The following CDH22 variants were observed in gnomAD, a reference collection of about 807,000 sequenced individuals.
The protein encoded by CDH22 is cadherin 22.
CDH22 carries 30 observed loss-of-function variants against 58.4 expected under a neutral mutation model. The ratio of observed to expected loss-of-function variants is 0.51; its 90% CI spans 0.38 to 0.70. The LOEUF (loss-of-function observed/expected upper bound fraction) is 0.70, where lower values mean the gene tolerates loss of function less well. CDH22 is among the 30% of genes least tolerant of loss of function. The pLI is 0.00. For missense variants in CDH22, 1,014 were observed against 1,233.9 expected (o/e 0.82, Z 2.67); for synonymous variants, 513 against 558.2 (o/e 0.92, Z 1.14).
intron 1 of CDH22, among the ~76,000 whole-genome samples, chr20:46,296,418 T>G (rs948935652): frequency 6.6e-6 from 1 of 152,222 alleles, no homozygotes; most frequent in Admixed American, 6.5e-5. Flanking sequence ...CCAGCTAAAA[T>G]GTATCCAACA....
intron 1 of CDH22, among the ~76,000 whole-genome samples, chr20:46,283,434 A>G (rs2086559982): frequency 6.6e-6 from 1 of 152,118 alleles, no homozygotes; most frequent in South Asian, 2.1e-4. Context: ...CCCCGGGGCT[A>G]TGGTGAGGAT....
chr20:46,200,184 C>T (rs955062415), intron 7 of CDH22, among the ~76,000 whole-genome samples: 2 of 151,574 alleles, frequency 1.3e-5, no homozygotes, highest in Admixed American at 6.6e-5. Flanking sequence ...CCGTGTTAGC[C>T]AGGATGGTCT....
intron 3 of CDH22, among the ~76,000 whole-genome samples, chr20:46,233,936 G>T (rs1302012012): frequency 6.6e-6 from 1 of 152,194 alleles, no homozygotes; most frequent in Non-Finnish European, 1.5e-5. Context: ...TTGATTCCTG[G>T]CTTGGGCCTG....
intron 10 of CDH22, among the ~76,000 whole-genome samples, chr20:46,179,575 G>A (rs1339351578): frequency 6.6e-6 from 1 of 152,208 alleles, no homozygotes; most frequent in Non-Finnish European, 1.5e-5. Flanking sequence ...GGGAACATGA[G>A]GGTTCATTCC....
chr20:46,191,579 G>A (rs1363535641), intron 8 of CDH22, among the ~76,000 whole-genome samples: 3 of 152,152 alleles, frequency 2.0e-5, no homozygotes, highest in East Asian at 3.8e-4. Context: ...GCCCCATTTC[G>A]TCCTGTCAAC....
intron 1 of CDH22, among the ~76,000 whole-genome samples, chr20:46,282,984 G>C (rs550735447): frequency 1.3e-5 from 2 of 152,204 alleles, no homozygotes; most frequent in African/African-American, 4.8e-5. Flanking sequence ...CAGAGACCCA[G>C]GTTCATGGCC....
At chr20:46,239,633 C>T (rs1217675846) in intron 3 of CDH22, among the ~76,000 whole-genome samples, 1 of 152,242 alleles carries the variant, frequency 6.6e-6, no homozygotes, top group African/African-American at 2.4e-5. Context: ...CAGAGAGGTA[C>T]AGCATCCAAC....
intron 7 of CDH22, 127 bp from the exon 8 acceptor site, chr20:46,199,686 C>A: frequency 8.5e-7 from 1 of 1,181,634 alleles, no homozygotes; most frequent in Non-Finnish European, 1.2e-6. Flanking sequence ...GCAGAGAAAC[C>A]CCTTGCGACC....
intron 5 of CDH22, among the ~76,000 whole-genome samples, chr20:46,213,858 T>G (rs539200488): frequency 2.0e-5 from 3 of 152,286 alleles, no homozygotes; most frequent in South Asian, 4.1e-4. Flanking sequence ...ATCTCAGCTC[T>G]CATGTTGCTT....
intron 10 of CDH22, among the ~76,000 whole-genome samples, chr20:46,182,835 C>T (rs569167864): frequency 3.9e-5 from 6 of 152,294 alleles, no homozygotes; most frequent in Non-Finnish European, 5.9e-5. Flanking sequence ...TTGGGGTAGC[C>T]GTTTGTCACC....
At chr20:46,277,070 C>T (rs2086521914) in intron 1 of CDH22, among the ~76,000 whole-genome samples, 1 of 151,556 alleles carries the variant, frequency 6.6e-6, no homozygotes, top group Non-Finnish European at 1.5e-5. Flanking sequence ...GAGAGGATTG[C>T]TTGAGCCCAG....
intron 10 of CDH22, among the ~76,000 whole-genome samples, chr20:46,178,586 CTTTTTTTTT>C (rs33937889): frequency 1.0e-5 from 1 of 95,374 alleles, no homozygotes; most frequent in Admixed American, 1.2e-4. Flanking sequence ...CTGGCGTTGT[CTTTTTTTTT>C]TTTTTTTTTT....
intron 7 of CDH22, among the ~76,000 whole-genome samples, chr20:46,200,822 A>T (rs992726282): frequency 6.6e-6 from 1 of 151,936 alleles, no homozygotes; most frequent in African/African-American, 2.4e-5. Flanking sequence ...AATTTTGAGC[A>T]GGGGAGAGGG....
intron 1 of CDH22, among the ~76,000 whole-genome samples, chr20:46,268,814 T>C (rs189329117): frequency 1.6e-4 from 25 of 152,056 alleles, no homozygotes; most frequent in African/African-American, 4.8e-4. Context: ...TCCCCCATTA[T>C]ATAGATGGGC....
chr20:46,271,867 G>A (rs1263508413), intron 1 of CDH22, among the ~76,000 whole-genome samples: 1 of 152,162 alleles, frequency 6.6e-6, no homozygotes, highest in African/African-American at 2.4e-5. Context: ...CCCAAGCTTA[G>A]TATCCTCAGT....
intron 7 of CDH22, among the ~76,000 whole-genome samples, chr20:46,203,769 A>C (rs1600695211): frequency 1.3e-5 from 2 of 152,090 alleles, no homozygotes; most frequent in Non-Finnish European, 2.9e-5. Context: ...GGGGGCGGGG[A>C]GGTAAGATGT....
chr20:46,236,685 A>C (rs376361650), intron 3 of CDH22, among the ~76,000 whole-genome samples: 161 of 111,192 alleles, frequency 1.4e-3, no homozygotes, highest in East Asian at 2.6e-3. Flanking sequence ...ATCTATCTAT[A>C]TATACATAGA....
chr20:46,294,816 C>G (rs981538810), intron 1 of CDH22, among the ~76,000 whole-genome samples: 1 of 152,230 alleles, frequency 6.6e-6, no homozygotes, highest in Non-Finnish European at 1.5e-5. Context: ...AAGTGGGATT[C>G]CTGGCATTGG....
intron 1 of CDH22, among the ~76,000 whole-genome samples, chr20:46,294,907 C>T (rs937322190): frequency 7.9e-5 from 12 of 152,228 alleles, no homozygotes; most frequent in African/African-American, 1.2e-4. Flanking sequence ...GCCTGGCACC[C>T]GGCAGACAGT....
Sources: gnomAD v4.1 joint callset for allele counts (sites outside exome capture counted in the v4.1 genomes callset) on GRCh38, gnomAD v4.1.1 for gene constraint, MANE v1.5 for transcripts, NCBI Gene and HGNC (gene_info 2026-07-23, HGNC 2026-07-21) for gene names.